RYR2: variants seen among roughly 807,000 people sequenced by gnomAD.
The protein encoded by RYR2 is ryanodine receptor 2, also known as cardiac muscle ryanodine receptor-calcium release channel.
Under a neutral mutation model 601.1 loss-of-function variants are expected in RYR2, and 227 were observed. The observed-to-expected ratio is 0.38, with a 90% CI of 0.34 to 0.42. The LOEUF is 0.42. Ranked by LOEUF, RYR2 falls within the 10% of genes least tolerant of loss-of-function variation. RYR2 has a pLI of 1.00. For missense variants in RYR2, 4,646 were observed against 6,156.5 expected (o/e 0.75, Z 8.21); for synonymous variants, 2,223 against 2,175.1 (o/e 1.02, Z -0.61).
At chr1:237,492,193 G>A (rs1053260181) in intron 18 of RYR2, among the ~76,000 whole-genome samples, 9 of 152,034 alleles carry the variant, frequency 5.9e-5, no homozygotes, top group Non-Finnish European at 1.0e-4. Context: ...CACCATGCCC[G>A]GCTAATTTTT....
At chr1:237,130,438 G>A (rs1672038023) in intron 1 of RYR2, among the ~76,000 whole-genome samples, 1 of 152,158 alleles carries the variant, frequency 6.6e-6, no homozygotes. Context: ...ACTAGGTTGG[G>A]CACGGTGATT....
At chr1:237,466,957 G>C (rs1192159282) in intron 16 of RYR2, among the ~76,000 whole-genome samples, 1 of 151,474 alleles carries the variant, frequency 6.6e-6, no homozygotes, top group East Asian at 1.9e-4. Flanking sequence ...CAGAGAACAT[G>C]GTTTATACCA....
At chr1:237,711,879 A>C (rs1161792231) in intron 71 of RYR2, 42 bp downstream of exon 71, 1 of 912,230 alleles carries the variant, frequency 1.1e-6, no homozygotes, top group Admixed American at 2.3e-5. Flanking sequence ...AAATATCTGA[A>C]TGTGACTTTC....
intron 12 of RYR2, among the ~76,000 whole-genome samples, chr1:237,426,153 T>A (rs925673799): frequency 3.3e-5 from 5 of 152,112 alleles, no homozygotes; most frequent in Admixed American, 3.3e-4. Flanking sequence ...GAATGAACAT[T>A]CCCAATGCCT....
intron 8 of RYR2, 31 bp downstream of exon 8, chr1:237,377,466 C>T (rs1701137038): frequency 6.8e-6 from 10 of 1,466,502 alleles, no homozygotes; most frequent in Non-Finnish European, 9.6e-6. Flanking sequence ...CATGTATCTG[C>T]TGATATGCTA....
At chr1:237,150,430 C>CCT (rs1323819006) in intron 1 of RYR2, among the ~76,000 whole-genome samples, 3 of 152,142 alleles carry the variant, frequency 2.0e-5, no homozygotes, top group African/African-American at 7.2e-5. Flanking sequence ...CTAGATAGGG[C>CCT]TGGGATGGAA....
At chr1:237,544,979 A>T (rs1669647959) in intron 25 of RYR2, among the ~76,000 whole-genome samples, 1 of 152,222 alleles carries the variant, frequency 6.6e-6, no homozygotes, top group South Asian at 2.1e-4. Context: ...GTGAAGTGAG[A>T]GTTTGTAACT....
At chr1:237,611,465 T>C (rs542525519) in intron 36 of RYR2, among the ~76,000 whole-genome samples, 2 of 152,298 alleles carry the variant, frequency 1.3e-5, no homozygotes, top group African/African-American at 4.8e-5. Context: ...GGGAGTGTCT[T>C]CGAAACAAGT....
chr1:237,393,400 T>C (rs1339906764), intron 10 of RYR2, among the ~76,000 whole-genome samples: 1 of 152,222 alleles, frequency 6.6e-6, no homozygotes, highest in Non-Finnish European at 1.5e-5. Flanking sequence ...AAATAATTGA[T>C]AAGGCATGAG....
intron 1 of RYR2, among the ~76,000 whole-genome samples, chr1:237,169,297 TTC>T (rs1226975195): frequency 1.2e-3 from 13 of 11,108 alleles, no homozygotes; most frequent in Non-Finnish European, 4.9e-3. Flanking sequence ...CCTTTTTTTT[TTC>T]TTCTTCTTCT....
chr1:237,684,499 G>A (rs925991426), intron 62 of RYR2, among the ~76,000 whole-genome samples: 2 of 152,104 alleles, frequency 1.3e-5, no homozygotes, highest in Non-Finnish European at 2.9e-5. Flanking sequence ...ATGACTTGGC[G>A]ATGAGTAATA....
At chr1:237,721,521 G>A (rs1689714103) in intron 73 of RYR2, among the ~76,000 whole-genome samples, 1 of 151,902 alleles carries the variant, frequency 6.6e-6, no homozygotes, top group Admixed American at 6.6e-5. Flanking sequence ...TCCGTTTTTT[G>A]TTTGTTTGTT....
chr1:237,707,439 G>C (rs1274287096), intron 68 of RYR2, among the ~76,000 whole-genome samples, 170 bp downstream of exon 68: 1 of 152,064 alleles, frequency 6.6e-6, no homozygotes, highest in Non-Finnish European at 1.5e-5. Context: ...CAGGCATTGG[G>C]TATATGTTAA....
intron 25 of RYR2, among the ~76,000 whole-genome samples, chr1:237,539,055 A>G (rs1384828352): frequency 1.3e-5 from 2 of 152,238 alleles, no homozygotes; most frequent in African/African-American, 4.8e-5. Flanking sequence ...CAGGCCATAT[A>G]ACCTAGATAC....
chr1:237,390,891 G>A lies in RYR2; in HGVS notation c.773+2708G>A, dbSNP rs79312201. ...TAGGTAGTGATGGTGGTAAGAACGC[G>A]TTTGTTTGTGTCCCTTTTTATAGCA... On this transcript the variant is annotated intron_variant, in intron 10 of 104. Coordinates refer to ENST00000366574, the MANE Select transcript of RYR2 (RefSeq NM_001035.3). 5.5e-3 allele frequency among the ~76,000 whole-genome samples: 843 copies of A among 152,112 alleles called. 10 individuals carry two copies. Among genetic ancestry groups the A allele is most frequent in the African/African-American group, 0.018 (765 of 41,488 alleles).
intron 92 of RYR2, among the ~76,000 whole-genome samples, chr1:237,788,453 C>T (rs1477589318): frequency 6.6e-6 from 1 of 152,134 alleles, no homozygotes; most frequent in South Asian, 2.1e-4. Context: ...AGTCTAAGGA[C>T]CTGCAACAGA....
chr1:237,773,742 T>G (rs1694441842), intron 87 of RYR2, 94 bp downstream of exon 87: 1 of 923,808 alleles, frequency 1.1e-6, no homozygotes, highest in African/African-American at 1.7e-5. Flanking sequence ...TATTGACCCC[T>G]TTCTGAGTTT....
chr1:237,359,666 C>T (rs1211956418), intron 4 of RYR2, among the ~76,000 whole-genome samples: 1 of 152,096 alleles, frequency 6.6e-6, no homozygotes. Context: ...TCCCCTTTTC[C>T]CTAATTCCCT....
chr1:237,550,763 A>G, intron 27 of RYR2, 72 bp downstream of exon 27: 1 of 1,447,006 alleles, frequency 6.9e-7, no homozygotes, highest in Non-Finnish European at 9.2e-7. Context: ...AAATAAATGA[A>G]TAAAAGGGGG....
Sources: allele counts gnomAD v4.1 joint callset (sites outside exome capture counted in the v4.1 genomes callset), GRCh38; gene constraint gnomAD v4.1.1; transcripts MANE v1.5; gene names NCBI Gene and HGNC (gene_info 2026-07-23, HGNC 2026-07-21).